SESN3: variants seen among roughly 807,000 people sequenced by gnomAD.
SESN3 encodes the protein sestrin 3.
SESN3 carries 21 observed loss-of-function variants against 55.3 expected under a neutral mutation model. The observed-to-expected ratio is 0.38, with a 90% CI of 0.27 to 0.55. The LOEUF (loss-of-function observed/expected upper bound fraction) is 0.55. Ranked by LOEUF, SESN3 falls within the 20% of genes least tolerant of loss-of-function variation. SESN3 has a pLI of 0.76. For synonymous variants in SESN3, 181 were observed against 203.1 expected (o/e 0.89, Z 0.93); for missense variants, 408 against 604.3 (o/e 0.68, Z 3.41).
chr11:95,175,999 G>C (rs1038647367), intron 8 of SESN3, among the ~76,000 whole-genome samples: 4 of 152,224 alleles, frequency 2.6e-5, no homozygotes, highest in African/African-American at 9.6e-5. Flanking sequence ...GGGTGGGCAG[G>C]AAGGCTTCTC....
chr11:95,177,348 A>G (rs1305594690), intron 8 of SESN3, among the ~76,000 whole-genome samples: 1 of 152,170 alleles, frequency 6.6e-6, no homozygotes, highest in East Asian at 1.9e-4. Flanking sequence ...TTTTAAAAAG[A>G]CCAAACTAAC....
chr11:95,215,633 C>A (rs1860737832), intron 1 of SESN3, among the ~76,000 whole-genome samples: 1 of 151,970 alleles, frequency 6.6e-6, no homozygotes, highest in South Asian at 2.1e-4. Flanking sequence ...ATTCAACTGA[C>A]CTTGACAAAC....
intron 1 of SESN3, among the ~76,000 whole-genome samples, chr11:95,204,487 C>A (rs374359239): frequency 1.3e-5 from 2 of 151,996 alleles, no homozygotes; most frequent in East Asian, 1.9e-4. Context: ...CCTGTCCCCC[C>A]CCTCAAAATT....
At position 95,170,614 on chromosome 11, in the gene SESN3, C is replaced by T. The variant is rs1171415444; in HGVS notation, c.*2641G>A. ...ATTCAATACTCTGAAAAAATACCACCCTGGAAAACCGCATCAGAATTTCAA... is the reference window on the plus strand; with the variant it reads ...ATTCAATACTCTGAAAAAATACCACTCTGGAAAACCGCATCAGAATTTCAA... On this transcript the variant is annotated 3_prime_UTR_variant, in exon 10 of 10. Transcript: ENST00000536441. The T allele has an allele frequency of 6.6e-6, 1 of 151,886 alleles. No individual in the cohort carries two copies. Among genetic ancestry groups the T allele is most frequent in the Admixed American group, 6.6e-5 (1 of 15,254 alleles). The allele number at this position is 151,886 out of a possible 1,614,324, so 9.4% of individuals were successfully genotyped here. A position where few individuals can be genotyped will look rare whatever the true frequency, so the allele number is the denominator to read the frequency against.
At chr11:95,223,153 C>G (rs904113842) in intron 1 of SESN3, among the ~76,000 whole-genome samples, 15 of 151,408 alleles carry the variant, frequency 9.9e-5, no homozygotes, top group Admixed American at 5.9e-4. Context: ...GTACCACAAT[C>G]CCCCCAACCC....
intron 7 of SESN3, 132 bp from the exon 8 acceptor site, chr11:95,178,041 AG>A (rs1259920193): frequency 1.6e-6 from 1 of 630,062 alleles, no homozygotes; most frequent in Non-Finnish European, 2.7e-6. Flanking sequence ...AGCTTTACTA[AG>A]GCTTTACCAA....
At chr11:95,202,184 A>G (rs1002135847) in intron 1 of SESN3, among the ~76,000 whole-genome samples, 15 of 152,078 alleles carry the variant, frequency 9.9e-5, no homozygotes, top group African/African-American at 3.6e-4. Context: ...TAAAGAGTAG[A>G]ATCAATTTCT....
At chr11:95,213,636 C>G (rs190257262) in intron 1 of SESN3, among the ~76,000 whole-genome samples, 142 of 152,230 alleles carry the variant, frequency 9.3e-4, no homozygotes, top group Non-Finnish European at 1.7e-3. Context: ...TGAAAAAAAA[C>G]TGGCATAATT....
At position 95,208,861 on chromosome 11, in the gene SESN3, A is replaced by G. The variant is rs150665421; in HGVS notation, c.79-15339T>C. Among the ~76,000 whole-genome samples the G allele has an allele frequency of 3.0e-3, 457 of 151,704 alleles. 12 individuals carry two copies. The highest frequency in any genetic ancestry group is 0.01 in the African/African-American group (425 of 41,404). ...ATAAATGGCGTTGGGAAAACTGGCT[A>G]GCCATATGCAGAAAACTGAAACTGG... On this transcript the variant is annotated intron_variant, in intron 1 of 9. Transcript: ENST00000536441.
chr11:95,185,507 C>A lies in SESN3; in HGVS notation c.526-15G>T. On this transcript the variant is annotated splice_polypyrimidine_tract_variant and intron_variant, in intron 4 of 9. Transcript: ENST00000536441. ...TTGACAAGTTTCTGAAATAAGAAAGCAAATCAGAGCAAATATAAAAATTCT... is the reference window on the plus strand; with the variant it reads ...TTGACAAGTTTCTGAAATAAGAAAGAAAATCAGAGCAAATATAAAAATTCT... 6.8e-7 allele frequency: 1 copy of A among 1,471,052 alleles called. No individual in the cohort carries two copies. The highest frequency in any genetic ancestry group is 9.5e-7 in the Non-Finnish European group (1 of 1,054,194). The allele number at this position is 1,471,052 out of a possible 1,614,324, so 91.1% of individuals were successfully genotyped here.
intron 6 of SESN3, 70 bp downstream of exon 6, chr11:95,184,350 T>C (rs545452040): frequency 3.1e-6 from 4 of 1,277,424 alleles, no homozygotes; most frequent in East Asian, 4.7e-5. Context: ...CATATCCACA[T>C]GGAAAACACT....
chr11:95,219,916 A>ACATACC (rs1860828536), intron 1 of SESN3, among the ~76,000 whole-genome samples: 1 of 152,188 alleles, frequency 6.6e-6, no homozygotes, highest in Non-Finnish European at 1.5e-5. Flanking sequence ...AAATGCCTGA[A>ACATACC]CATACCTGTA....
chr11:95,206,565 G>T (rs944468790), intron 1 of SESN3, among the ~76,000 whole-genome samples: 1 of 152,032 alleles, frequency 6.6e-6, no homozygotes, highest in Non-Finnish European at 1.5e-5. Flanking sequence ...TGATCACAAA[G>T]ACTTCCTTTA....
chr11:95,178,833 G>A lies in SESN3; in HGVS notation c.938-5C>T, dbSNP rs779901802. ...TAATCATGTCATCCTCAAAATCTAA[G>A]GACAATAATGAACAATCTAGTGTTA... On this transcript the variant is annotated splice_polypyrimidine_tract_variant and splice_region_variant and intron_variant, in intron 6 of 9. Coordinates refer to ENST00000536441, the MANE Select transcript of SESN3 (RefSeq NM_144665.4). The A allele has an allele frequency of 6.7e-7, 1 of 1,488,470 alleles. No individual in the cohort carries two copies. The highest frequency in any genetic ancestry group is 9.4e-7 in the Non-Finnish European group (1 of 1,066,218). 92.2% of individuals were successfully genotyped at this position (1,488,470 alleles called of 1,614,324 possible).
chr11:95,221,491 ATATGTAT>A (rs1184051203), intron 1 of SESN3, among the ~76,000 whole-genome samples: 1 of 152,230 alleles, frequency 6.6e-6, no homozygotes, highest in Non-Finnish European at 1.5e-5. Context: ...TAAAAATAAA[ATATGTAT>A]CTAGAAAGAA....
chr11:95,226,741 A>C (rs540278159), intron 1 of SESN3, among the ~76,000 whole-genome samples: 24 of 152,362 alleles, frequency 1.6e-4, no homozygotes, highest in African/African-American at 5.5e-4. Flanking sequence ...CCTGCACAAG[A>C]ATAATTTTGT....
intron 6 of SESN3, among the ~76,000 whole-genome samples, chr11:95,183,681 CAA>C (rs34308912): frequency 0.018 from 1,688 of 93,200 alleles, 10 homozygotes; most frequent in African/African-American, 0.029. Flanking sequence ...GACTCTGTCT[CAA>C]AAAAAAAAAA....
intron 4 of SESN3, among the ~76,000 whole-genome samples, chr11:95,186,937 T>A (rs1860179201): frequency 6.6e-6 from 1 of 151,902 alleles, no homozygotes; most frequent in African/African-American, 2.4e-5. Context: ...AAAAAAATTC[T>A]ACCACTCTAA....
chr11:95,179,983 T>A (rs988627812), intron 6 of SESN3, among the ~76,000 whole-genome samples: 2 of 152,316 alleles, frequency 1.3e-5, no homozygotes, highest in East Asian at 3.9e-4. Context: ...TAATTCTATC[T>A]CACTTTTTAT....
Sources: gnomAD v4.1 joint callset for allele counts (sites outside exome capture counted in the v4.1 genomes callset) on GRCh38, gnomAD v4.1.1 for gene constraint, MANE v1.5 for transcripts, NCBI Gene and HGNC (gene_info 2026-07-23, HGNC 2026-07-21) for gene names.